Variants in NR2C2 observed in about 807,000 individuals in gnomAD.
The protein encoded by NR2C2 is Nuclear hormone receptor TR4.
NR2C2 carries 6 observed loss-of-function variants against 62.9 expected under a neutral mutation model. The ratio of observed to expected loss-of-function variants is 0.10; its 90% CI spans 0.05 to 0.19. NR2C2 has a LOEUF of 0.19. Among genes scored for constraint, NR2C2 ranks in the 10% least tolerant of loss-of-function variants. The pLI is 1.00. For synonymous variants in NR2C2, 272 were observed against 273.8 expected (o/e 0.99, Z 0.07); for missense variants, 479 against 762.7 (o/e 0.63, Z 4.38).
intron 1 of NR2C2, among the ~76,000 whole-genome samples, chr3:14,997,729 G>A (rs922823528): frequency 6.6e-5 from 10 of 151,470 alleles, no homozygotes; most frequent in African/African-American, 2.2e-4. Flanking sequence ...GTATGCTTAT[G>A]AAAGAAAAAA....
chr3:14,953,857 T>C (rs1331461547), intron 1 of NR2C2, among the ~76,000 whole-genome samples: 2 of 145,916 alleles, frequency 1.4e-5, no homozygotes, highest in Non-Finnish European at 3.0e-5. Flanking sequence ...ATCACGCCAC[T>C]GCACTCCAGC....
At chr3:14,982,725 A>G (rs1205009769) in intron 1 of NR2C2, among the ~76,000 whole-genome samples, 1 of 152,108 alleles carries the variant, frequency 6.6e-6, no homozygotes, top group African/African-American at 2.4e-5. Context: ...TGATTTAATG[A>G]CAGTCTTATC....
intron 2 of NR2C2, among the ~76,000 whole-genome samples, chr3:15,008,231 T>C (rs896190796): frequency 1.3e-5 from 2 of 151,062 alleles, no homozygotes; most frequent in African/African-American, 4.9e-5. Context: ...TTTTTTTTTT[T>C]AAATTAGGGG....
intron 1 of NR2C2, chr3:14,948,823 G>T (rs2039241956): frequency 6.6e-6 from 1 of 152,220 alleles, no homozygotes; most frequent in African/African-American, 2.4e-5. Flanking sequence ...TTTCGCAGCG[G>T]CCTTGGCGAA....
chr3:15,037,892 T>G, intron 11 of NR2C2, 108 bp from the exon 12 acceptor site: 1 of 1,207,358 alleles, frequency 8.3e-7, no homozygotes, highest in African/African-American at 1.5e-5. Flanking sequence ...TACTGATTTT[T>G]CATTAAAAAG....
intron 1 of NR2C2, among the ~76,000 whole-genome samples, chr3:14,977,082 G>T (rs1173243102): frequency 6.6e-6 from 1 of 151,872 alleles, no homozygotes; most frequent in African/African-American, 2.4e-5. Context: ...TTTTTTTCTA[G>T]TCTCTTTTCA....
chr3:15,013,611 G>A lies in NR2C2; in HGVS notation c.95G>A (p.Gly32Glu). 2 of 1,614,146 alleles carry A rather than the reference G, an allele frequency of 1.2e-6. No individual in the cohort carries two copies. ...TAGATTGTCACAGACCAGCAGACAG[G>A]ACAGAAAATCCAGATAGTCACCGCA... is the stretch of plus-strand genomic sequence containing the variant. Reference protein sequence around the residue: ...RIQIVTDQQTGQKIQIVTAVD... With the variant: ...RIQIVTDQQTEQKIQIVTAVD... The change falls in exon 3 of 14, where the codon GGA (glycine) becomes GAA (glutamate). Residue 32 changes from glycine (G) to glutamate (E), a missense_variant. Physicochemically the swap from Gly to Glu is moderately conservative, Grantham distance 98. Transcript: ENST00000425241.
intron 9 of NR2C2, 84 bp downstream of exon 9, chr3:15,030,536 C>G: frequency 7.2e-7 from 1 of 1,397,768 alleles, no homozygotes; most frequent in Non-Finnish European, 9.5e-7. Context: ...TTTTAAAAAT[C>G]AAACCTTGGG....
intron 1 of NR2C2, among the ~76,000 whole-genome samples, chr3:14,986,039 C>T (rs774703360): frequency 2.0e-4 from 31 of 152,098 alleles, no homozygotes; most frequent in Non-Finnish European, 3.8e-4. Flanking sequence ...AGGTATGCAT[C>T]GAGTACATAC....
intron 3 of NR2C2, 64 bp downstream of exon 3, chr3:15,013,853 C>G: frequency 6.5e-7 from 1 of 1,546,540 alleles, no homozygotes. Flanking sequence ...CTGACTTGTT[C>G]TTACATCTGC....
At chr3:14,993,146 C>A (rs556173604) in intron 1 of NR2C2, among the ~76,000 whole-genome samples, 1 of 152,174 alleles carries the variant, frequency 6.6e-6, no homozygotes, top group Admixed American at 6.5e-5. Context: ...GCTGATGAGT[C>A]TCAATAAAAT....
chr3:15,035,112 C>G (rs747016349), intron 11 of NR2C2, among the ~76,000 whole-genome samples: 1 of 152,066 alleles, frequency 6.6e-6, no homozygotes, highest in Non-Finnish European at 1.5e-5. Context: ...GGCAACATAA[C>G]GAGACCTTGT....
intron 5 of NR2C2, among the ~76,000 whole-genome samples, chr3:15,022,388 CTT>C (rs1162225131): frequency 2.3e-4 from 30 of 132,910 alleles, no homozygotes; most frequent in African/African-American, 8.3e-4. Context: ...TTTCTTTTTT[CTT>C]TTTCTTTCTT....
chr3:14,976,602 C>CTTTTTTTTTTTTTT (rs533538010), intron 1 of NR2C2, among the ~76,000 whole-genome samples: 33 of 90,720 alleles, frequency 3.6e-4, no homozygotes, highest in African/African-American at 1.1e-3. Flanking sequence ...TCCTTCCTTC[C>CTTTTTTTTTTTTTT]TTTTTTTTTT....
intron 1 of NR2C2, among the ~76,000 whole-genome samples, chr3:14,977,019 T>C (rs2040226608): frequency 6.6e-6 from 1 of 152,224 alleles, no homozygotes; most frequent in African/African-American, 2.4e-5. Context: ...GTTCATGTCC[T>C]CCTGTTCTGG....
At chr3:15,007,123 C>A (rs1352378067) in intron 2 of NR2C2, among the ~76,000 whole-genome samples, 2 of 148,456 alleles carry the variant, frequency 1.3e-5, no homozygotes, top group African/African-American at 2.5e-5. Flanking sequence ...TTTTCCCTGA[C>A]CTCTCTTTTT....
chr3:14,959,586 TTGA>T (rs996014552), intron 1 of NR2C2: 2 of 152,128 alleles, frequency 1.3e-5, no homozygotes, highest in Non-Finnish European at 2.9e-5. Flanking sequence ...AAAGCTGCTG[TTGA>T]TGATGCCTGA....
intron 8 of NR2C2, among the ~76,000 whole-genome samples, chr3:15,029,920 AAGAG>A (rs765834232): frequency 1.1e-4 from 17 of 151,992 alleles, no homozygotes; most frequent in Non-Finnish European, 2.5e-4. Context: ...GAAGGAAGGA[AAGAG>A]AGAAAAGGAA....
At chr3:14,950,360 T>G (rs1316027789) in intron 1 of NR2C2, among the ~76,000 whole-genome samples, 1 of 152,234 alleles carries the variant, frequency 6.6e-6, no homozygotes, top group Admixed American at 6.5e-5. Context: ...AGTATGTTGT[T>G]CAGGCGCCAC....
Sources: gnomAD v4.1 joint callset for allele counts (sites outside exome capture counted in the v4.1 genomes callset) on GRCh38, gnomAD v4.1.1 for gene constraint, MANE v1.5 for transcripts, NCBI Gene and HGNC (gene_info 2026-07-23, HGNC 2026-07-21) for gene names.